CCDC171: variants seen among roughly 807,000 people sequenced by gnomAD.
CCDC171 encodes coiled-coil domain containing 171.
In CCDC171, 177 loss-of-function variants were observed where a neutral mutation model predicts 168.2. That is an observed-to-expected ratio of 1.05 (90% CI 0.93 to 1.19). The LOEUF (loss-of-function observed/expected upper bound fraction) is 1.19. Among genes scored for constraint, CCDC171 ranks in the 50% most tolerant of loss-of-function variants. The pLI, the probability that CCDC171 is intolerant of heterozygous loss-of-function variation, is 0.00. For missense variants in CCDC171, 1,991 were observed against 1,539.0 expected, an observed-to-expected ratio of 1.29 and a Z score of -4.91; for synonymous variants, 687 against 540.8, an observed-to-expected ratio of 1.27 and a Z score of -3.75.
chr9:15,894,592 T>C (rs1031121480), intron 24 of CCDC171, among the ~76,000 whole-genome samples: 3 of 151,980 alleles, frequency 2.0e-5, no homozygotes, highest in African/African-American at 7.2e-5. Flanking sequence ...CACCTTAACA[T>C]TCTCCATCTC....
chr9:15,763,068 C>G (rs2056538549), intron 18 of CCDC171, among the ~76,000 whole-genome samples: 1 of 152,144 alleles, frequency 6.6e-6, no homozygotes, highest in Non-Finnish European at 1.5e-5. Flanking sequence ...TCTAGAACAA[C>G]TCATAGAACT....
chr9:15,789,613 A>G (rs574366601), intron 21 of CCDC171, among the ~76,000 whole-genome samples: 11 of 152,100 alleles, frequency 7.2e-5, no homozygotes, highest in Non-Finnish European at 1.6e-4. Flanking sequence ...ATCTTTTTTT[A>G]AATTATACTT....
At chr9:15,927,080 A>T (rs1031944679) in intron 25 of CCDC171, among the ~76,000 whole-genome samples, 1 of 151,726 alleles carries the variant, frequency 6.6e-6, no homozygotes, top group African/African-American at 2.4e-5. Flanking sequence ...TAATGCATAT[A>T]AAGAGATTGA....
At chr9:15,568,295 G>C (rs562961292) in intron 2 of CCDC171, among the ~76,000 whole-genome samples, 17 of 144,636 alleles carry the variant, frequency 1.2e-4, no homozygotes, top group Non-Finnish European at 2.3e-4. Context: ...TTTTGAGGCG[G>C]AGTCTTGCTC....
chr9:16,067,569 T>G, the CCDC171 span, among the ~76,000 whole-genome samples: 1 of 152,204 alleles, frequency 6.6e-6, no homozygotes, highest in Admixed American at 6.5e-5. Flanking sequence ...ATGCCTAGGT[T>G]TTCTTCTCTG....
At chr9:15,739,992 C>G (rs982156875) in intron 16 of CCDC171, among the ~76,000 whole-genome samples, 1 of 152,158 alleles carries the variant, frequency 6.6e-6, no homozygotes, top group Non-Finnish European at 1.5e-5. Flanking sequence ...CTGCCTTGGC[C>G]TACCAAAGTG....
chr9:15,921,770 CTT>C (rs1313363510), intron 25 of CCDC171, among the ~76,000 whole-genome samples: 1 of 151,352 alleles, frequency 6.6e-6, no homozygotes, highest in Non-Finnish European at 1.5e-5. Flanking sequence ...GAAGAGGAAA[CTT>C]TTTAAAATTT....
At chr9:15,861,853 A>G (rs1314802548) in intron 23 of CCDC171, among the ~76,000 whole-genome samples, 5 of 151,998 alleles carry the variant, frequency 3.3e-5, no homozygotes, top group African/African-American at 9.7e-5. Flanking sequence ...TTCTTATGGT[A>G]TCATGTTGCT....
intron 18 of CCDC171, among the ~76,000 whole-genome samples, chr9:15,753,524 C>T (rs1349217852): frequency 1.3e-5 from 2 of 152,168 alleles, no homozygotes; most frequent in South Asian, 2.1e-4. Context: ...TTCCTCTGAG[C>T]ACATTACAAA....
At chr9:15,567,481 GT>G (rs2039843420) in intron 2 of CCDC171, among the ~76,000 whole-genome samples, 1 of 152,170 alleles carries the variant, frequency 6.6e-6, no homozygotes, top group East Asian at 1.9e-4. Flanking sequence ...AAAAATGTCT[GT>G]TGGGGTTTTA....
chr9:15,622,266 T>C (rs1050551322), intron 6 of CCDC171, among the ~76,000 whole-genome samples: 9 of 152,188 alleles, frequency 5.9e-5, no homozygotes, highest in African/African-American at 2.2e-4. Context: ...CCTACACATG[T>C]ACCCATGAAC....
chr9:15,581,998 T>C (rs941810267), intron 4 of CCDC171, among the ~76,000 whole-genome samples: 3 of 152,192 alleles, frequency 2.0e-5, no homozygotes, highest in African/African-American at 7.2e-5. Context: ...ACAGGGAACC[T>C]ACAGAATGGG....
At chr9:15,911,053 A>G (rs1049380481) in intron 24 of CCDC171, among the ~76,000 whole-genome samples, 1 of 152,184 alleles carries the variant, frequency 6.6e-6, no homozygotes, top group African/African-American at 2.4e-5. Context: ...TCCTTTGGGT[A>G]TATACCCAGT....
chr9:15,625,126 G>A (rs1232038254), intron 7 of CCDC171, among the ~76,000 whole-genome samples: 1 of 152,188 alleles, frequency 6.6e-6, no homozygotes, highest in South Asian at 2.1e-4. Flanking sequence ...TTTGAGAAGT[G>A]TCTGTTCATA....
intron 25 of CCDC171, among the ~76,000 whole-genome samples, chr9:15,926,185 T>C (rs538562928): frequency 6.6e-6 from 1 of 151,694 alleles, no homozygotes; most frequent in Non-Finnish European, 1.5e-5. Flanking sequence ...ATTTGACACA[T>C]TGTAAAGTGG....
intron 9 of CCDC171, among the ~76,000 whole-genome samples, chr9:15,673,752 G>C (rs565323418): frequency 6.6e-6 from 1 of 152,298 alleles, no homozygotes; most frequent in South Asian, 2.1e-4. Flanking sequence ...CAGTTTGCCA[G>C]TATTTTAATG....
chr9:16,015,497 A>C (rs1832988287), intron 3 of CCDC171, among the ~76,000 whole-genome samples: 1 of 152,176 alleles, frequency 6.6e-6, no homozygotes, highest in Non-Finnish European at 1.5e-5. Context: ...AGTATCTTTC[A>C]GCCAAGGTGG....
In CCDC171 at chr9:16,030,577, T is replaced by C. The variant is rs150587520; in HGVS notation, n.999-4880T>C. 7.2e-5 allele frequency among the ~76,000 whole-genome samples: 11 copies of C among 152,304 alleles called. No homozygotes were observed. In the East Asian group the frequency reaches 2.1e-3, roughly 29 times the overall value. ...TGATATGCAAAAGTAGCAGTGTGTA[T>C]GGTATGTTAAGGACAAAGGAACATC... On this transcript the variant is annotated intron_variant and non_coding_transcript_variant, in intron 6 of 9. Coordinates refer to the CCDC171 transcript ENST00000486641.
chr9:15,856,245 C>T (rs1432475002), intron 23 of CCDC171, among the ~76,000 whole-genome samples: 1 of 151,844 alleles, frequency 6.6e-6, no homozygotes, highest in African/African-American at 2.4e-5. Context: ...ATATTGTTAA[C>T]CACAGGTACA....
Sources: allele counts gnomAD v4.1 joint callset (sites outside exome capture counted in the v4.1 genomes callset), GRCh38; gene constraint gnomAD v4.1.1; transcripts MANE v1.5; gene names NCBI Gene and HGNC (gene_info 2026-07-23, HGNC 2026-07-21).